CDH12: variants seen among roughly 807,000 people sequenced by gnomAD.
CDH12 encodes cadherin-12.
A neutral mutation model predicts 74.1 loss-of-function variants in CDH12; 41 were observed. The ratio of observed to expected loss-of-function variants is 0.55; its 90% CI spans 0.43 to 0.72. CDH12 has a LOEUF of 0.72. Among genes scored for constraint, CDH12 ranks in the 30% least tolerant of loss-of-function variants. The pLI, the probability that CDH12 is intolerant of heterozygous loss-of-function variation, is 0.00. For missense variants in CDH12, 945 were observed against 977.2 expected (o/e 0.97, Z 0.44); for synonymous variants, 399 against 355.0 (o/e 1.12, Z -1.39).
intron 4 of CDH12, among the ~76,000 whole-genome samples, chr5:22,138,982 C>T (rs1746633939): frequency 6.7e-6 from 1 of 149,494 alleles, no homozygotes; most frequent in Admixed American, 6.7e-5. Flanking sequence ...GAACAGAAAT[C>T]CTTTAAGACA....
intron 1 of CDH12, among the ~76,000 whole-genome samples, chr5:22,638,187 T>TAAGG (rs1738938928): frequency 6.6e-6 from 1 of 152,146 alleles, no homozygotes; most frequent in South Asian, 2.1e-4. Context: ...GAACTGGAGT[T>TAAGG]AATTAAGGAG....
chr5:22,591,922 C>T (rs1736346855), intron 1 of CDH12, among the ~76,000 whole-genome samples: 1 of 152,114 alleles, frequency 6.6e-6, no homozygotes, highest in African/African-American at 2.4e-5. Flanking sequence ...TTATTGCTTC[C>T]TTGAGATATC....
intron 1 of CDH12, among the ~76,000 whole-genome samples, chr5:22,736,280 T>C (rs1744715353): frequency 6.6e-6 from 1 of 151,854 alleles, no homozygotes; most frequent in South Asian, 2.1e-4. Context: ...TTAGATATTT[T>C]AGTATAATTA....
chr5:22,458,915 T>C (rs571930855), intron 2 of CDH12, among the ~76,000 whole-genome samples: 217 of 152,292 alleles, frequency 1.4e-3, no homozygotes, highest in African/African-American at 5.1e-3. Context: ...GTTTTTTCTT[T>C]TTTTTTGGCC....
chr5:21,989,466 G>C (rs1174115998), intron 5 of CDH12, among the ~76,000 whole-genome samples: 1 of 152,038 alleles, frequency 6.6e-6, no homozygotes, highest in Non-Finnish European at 1.5e-5. Context: ...TTCCCTATTA[G>C]CAGGTAAAAC....
rs1011363266 is a variant in CDH12 at position 22,357,510 on chromosome 5, T to A, written c.-333+47747A>T. On this transcript the variant is annotated intron_variant, in intron 3 of 14. Transcript: ENST00000382254. Reference sequence around the variant, plus strand: ...AATTCCAATTAACATAAAAACGTTATCTACCTAATGAAGGAATGGAGAAAA... The same window carrying A: ...AATTCCAATTAACATAAAAACGTTAACTACCTAATGAAGGAATGGAGAAAA... Among the ~76,000 whole-genome samples the A allele has an allele frequency of 2.0e-5, 3 of 152,132 alleles. No individual in the cohort carries two copies. The East Asian group carries it at 5.8e-4, about 29-fold the overall frequency.
chr5:22,270,198 T>A (rs558942422), intron 3 of CDH12, among the ~76,000 whole-genome samples: 1 of 152,316 alleles, frequency 6.6e-6, no homozygotes, highest in East Asian at 1.9e-4. Flanking sequence ...TGAAAATTAT[T>A]GCATAAGTAA....
At chr5:22,131,512 G>T (rs535896169) in intron 4 of CDH12, among the ~76,000 whole-genome samples, 1 of 152,160 alleles carries the variant, frequency 6.6e-6, no homozygotes, top group East Asian at 1.9e-4. Context: ...TTTAGAACTG[G>T]AATGGCAAAA....
chr5:22,803,988 AT>A (rs1336346758), intron 1 of CDH12, among the ~76,000 whole-genome samples: 2 of 152,208 alleles, frequency 1.3e-5, no homozygotes, highest in African/African-American at 4.8e-5. Flanking sequence ...CAAAAAAAAA[AT>A]CAAGAGCTAC....
chr5:22,398,046 T>G (rs577487328), intron 3 of CDH12, among the ~76,000 whole-genome samples: 1 of 152,194 alleles, frequency 6.6e-6, no homozygotes, highest in East Asian at 1.9e-4. Flanking sequence ...TTAGGTAAGT[T>G]TATAAGAAAG....
chr5:21,960,747 A>G (rs1756322368), intron 6 of CDH12, among the ~76,000 whole-genome samples: 2 of 151,936 alleles, frequency 1.3e-5, no homozygotes, highest in African/African-American at 4.8e-5. Context: ...GTGTGTGTGT[A>G]GGTATGTCTG....
chr5:22,637,624 G>A (rs1281888937), intron 1 of CDH12, among the ~76,000 whole-genome samples: 1 of 152,232 alleles, frequency 6.6e-6, no homozygotes, highest in African/African-American at 2.4e-5. Context: ...ATCATCAGAT[G>A]ATTAGGGAGC....
chr5:22,537,735 C>T (rs973741954), intron 1 of CDH12, among the ~76,000 whole-genome samples: 9 of 152,258 alleles, frequency 5.9e-5, no homozygotes, highest in East Asian at 3.9e-4. Context: ...TCTTAGAGAG[C>T]GCTCCTGACC....
chr5:22,481,845 A>G (rs2551500), intron 2 of CDH12, among the ~76,000 whole-genome samples: 143,164 of 152,222 alleles, frequency 0.94, 67,416 homozygotes, highest in Admixed American at 0.97. Context: ...AAACTTGTTA[A>G]GAGGGTAGAT....
At chr5:22,330,977 G>A (rs2150445415) in intron 3 of CDH12, among the ~76,000 whole-genome samples, 1 of 152,072 alleles carries the variant, frequency 6.6e-6, no homozygotes, top group East Asian at 2.0e-4. Flanking sequence ...TGATGGAACG[G>A]CCTTTGGGCT....
In CDH12 at chr5:22,739,327, C is replaced by T. The variant is rs1418382309; in HGVS notation, c.-523+113731G>A. On this transcript the variant is annotated intron_variant, in intron 1 of 14. Coordinates refer to ENST00000382254, the MANE Select transcript of CDH12 (RefSeq NM_004061.5). ...AATTTAAAAATTTTACTTTTTTTTA[C>T]TTACATTAAAGAAAAAACTCTGACA... 4.1e-4 allele frequency among the ~76,000 whole-genome samples: 51 copies of T among 124,568 alleles called. 1 individual carries two copies. Among genetic ancestry groups the T allele is most frequent in the African/African-American group, 1.4e-3 (48 of 34,928 alleles). The allele number at this position is 124,568 out of a possible 152,430, so 81.7% of individuals were successfully genotyped here. A position where few individuals can be genotyped will look rare whatever the true frequency, so the allele number is the denominator to read the frequency against.
chr5:21,832,290 G>T (rs969884467), intron 8 of CDH12, among the ~76,000 whole-genome samples: 7 of 152,056 alleles, frequency 4.6e-5, no homozygotes, highest in African/African-American at 1.7e-4. Flanking sequence ...AATGATTCAT[G>T]CTCTCGTTAG....
chr5:22,395,611 C>A (rs1344297026), intron 3 of CDH12, among the ~76,000 whole-genome samples: 1 of 151,816 alleles, frequency 6.6e-6, no homozygotes, highest in Non-Finnish European at 1.5e-5. Flanking sequence ...TAATTTTTTT[C>A]TTTTGGACAT....
chr5:22,642,821 T>A (rs1008227568), intron 1 of CDH12, among the ~76,000 whole-genome samples: 1 of 152,092 alleles, frequency 6.6e-6, no homozygotes, highest in Non-Finnish European at 1.5e-5. Flanking sequence ...TAAAAATCTA[T>A]AGATAATAAT....
Sources: allele counts gnomAD v4.1 joint callset (sites outside exome capture counted in the v4.1 genomes callset), GRCh38; gene constraint gnomAD v4.1.1; transcripts MANE v1.5; gene names NCBI Gene and HGNC (gene_info 2026-07-23, HGNC 2026-07-21).